Variants in NELL1 observed in about 807,000 individuals in gnomAD.
NELL1 encodes protein kinase C-binding protein NELL1.
NELL1 carries 76 observed loss-of-function variants against 107.4 expected under a neutral mutation model. The ratio of observed to expected loss-of-function variants is 0.71; its 90% CI spans 0.59 to 0.86. NELL1 has a LOEUF of 0.86. Ranked by LOEUF, NELL1 falls within the 40% of genes least tolerant of loss-of-function variation. The pLI is 0.00. For synonymous variants in NELL1, 353 were observed against 341.2 expected (o/e 1.03, Z -0.38); for missense variants, 1,024 against 1,005.5 (o/e 1.02, Z -0.25).
At chr11:21,163,815 G>A (rs900831226) in intron 13 of NELL1, among the ~76,000 whole-genome samples, 2 of 151,618 alleles carry the variant, frequency 1.3e-5, no homozygotes, top group African/African-American at 4.9e-5. Flanking sequence ...TCAGCTTCTC[G>A]ACCTCATCTA....
chr11:21,404,422 C>T (rs757306876), intron 15 of NELL1, among the ~76,000 whole-genome samples: 2 of 151,816 alleles, frequency 1.3e-5, no homozygotes, highest in Non-Finnish European at 2.9e-5. Flanking sequence ...CATAAGAAAG[C>T]AATTAAAGTA....
At chr11:21,233,404 GTCC>G (rs1173482324) in intron 14 of NELL1, among the ~76,000 whole-genome samples, 1 of 151,544 alleles carries the variant, frequency 6.6e-6, no homozygotes, top group Non-Finnish European at 1.5e-5. Context: ...CCTTTTCTTT[GTCC>G]TCCTCCTTTT....
chr11:21,174,222 T>C (rs1008783342), intron 13 of NELL1, among the ~76,000 whole-genome samples: 1 of 151,846 alleles, frequency 6.6e-6, no homozygotes, highest in African/African-American at 2.4e-5. Flanking sequence ...AGATAACTAA[T>C]ATACAAGTAA....
chr11:20,786,864 C>T (rs1375342968), intron 3 of NELL1, among the ~76,000 whole-genome samples: 5 of 151,396 alleles, frequency 3.3e-5, no homozygotes, highest in Admixed American at 1.3e-4. Context: ...AAAAATTAGC[C>T]GGGCATGGTG....
chr11:21,080,206 T>C (rs1007428787), intron 12 of NELL1, among the ~76,000 whole-genome samples: 18 of 152,208 alleles, frequency 1.2e-4, no homozygotes, highest in Admixed American at 2.6e-4. Flanking sequence ...AATGGCTTTA[T>C]TTTTAAAAAG....
chr11:21,273,250 A>G (rs1212884391), intron 14 of NELL1, among the ~76,000 whole-genome samples: 1 of 152,240 alleles, frequency 6.6e-6, no homozygotes, highest in Non-Finnish European at 1.5e-5. Context: ...GAACTACGTG[A>G]TGAATGCACA....
At chr11:21,492,743 T>G (rs1157051824) in intron 15 of NELL1, among the ~76,000 whole-genome samples, 2 of 87,752 alleles carry the variant, frequency 2.3e-5, no homozygotes, top group African/African-American at 4.6e-5. Context: ...TGGGGACTGT[T>G]GTGGGGTGGG....
chr11:21,365,053 T>C (rs1851187099), intron 14 of NELL1, among the ~76,000 whole-genome samples: 1 of 152,226 alleles, frequency 6.6e-6, no homozygotes. Context: ...TCTCAAATGC[T>C]AGCTGTTTTG....
chr11:21,225,921 T>A (rs542393287), intron 13 of NELL1, among the ~76,000 whole-genome samples: 2 of 152,306 alleles, frequency 1.3e-5, no homozygotes, highest in Admixed American at 1.3e-4. Flanking sequence ...ATGAGGAATC[T>A]AAGACAGAGA....
intron 15 of NELL1, among the ~76,000 whole-genome samples, chr11:21,383,255 C>T (rs954884953): frequency 2.3e-5 from 3 of 132,452 alleles, no homozygotes; most frequent in Non-Finnish European, 3.2e-5. Flanking sequence ...GTGTCTGAAA[C>T]GATAAGCAGT....
Position 21,094,697 on chromosome 11 carries a change from G to A in NELL1, c.1301-18892G>A, listed in dbSNP as rs1240838439. ...GGAGCTTTCACCCTCTGAAACCATG[G>A]CCTGAACTCTATGTTGGCTTCTTTC... On this transcript the variant is annotated intron_variant, in intron 12 of 19. Transcript: ENST00000357134. Among the ~76,000 whole-genome samples the A allele has an allele frequency of 2.6e-5, 4 of 152,154 alleles. No homozygotes were observed. The East Asian group carries it at 7.7e-4, about 29-fold the overall frequency.
At chr11:20,695,745 C>T (rs1854597738) in intron 2 of NELL1, among the ~76,000 whole-genome samples, 1 of 151,902 alleles carries the variant, frequency 6.6e-6, no homozygotes, top group Non-Finnish European at 1.5e-5. Context: ...TTTAGTTTTT[C>T]ATTGTGTCTT....
chr11:20,787,905 C>G (rs1379026604), intron 3 of NELL1, among the ~76,000 whole-genome samples: 2 of 152,202 alleles, frequency 1.3e-5, no homozygotes, highest in Non-Finnish European at 2.9e-5. Context: ...AATCTACTTT[C>G]TGTCTCTGTA....
chr11:21,360,320 C>A (rs530342938), intron 14 of NELL1, among the ~76,000 whole-genome samples: 21 of 152,080 alleles, frequency 1.4e-4, no homozygotes, highest in Non-Finnish European at 2.6e-4. Flanking sequence ...TTGGAGTTGA[C>A]TTCCAGTTTT....
At chr11:21,224,323 A>G (rs11819874) in intron 13 of NELL1, among the ~76,000 whole-genome samples, 13,167 of 151,880 alleles carry the variant, frequency 0.087, 604 homozygotes, top group Middle Eastern at 0.13. Context: ...GTTCCCTGCA[A>G]CCTTGACCTC....
intron 15 of NELL1, among the ~76,000 whole-genome samples, chr11:21,504,754 G>T (rs1855238142): frequency 6.6e-6 from 1 of 151,980 alleles, no homozygotes. Flanking sequence ...CCATTCACTA[G>T]CTCGAAGCAG....
chr11:21,449,219 G>A (rs547655201), intron 15 of NELL1, among the ~76,000 whole-genome samples: 1 of 152,206 alleles, frequency 6.6e-6, no homozygotes, highest in South Asian at 2.1e-4. Flanking sequence ...TCAACCTGGG[G>A]TACAGTCAGT....
At chr11:21,012,467 C>T (rs1241161727) in intron 12 of NELL1, among the ~76,000 whole-genome samples, 1 of 152,046 alleles carries the variant, frequency 6.6e-6, no homozygotes, top group East Asian at 1.9e-4. Context: ...TTAGGACAAG[C>T]TATGATCCTT....
At chr11:20,724,597 C>T (rs909689041) in intron 2 of NELL1, among the ~76,000 whole-genome samples, 3 of 152,174 alleles carry the variant, frequency 2.0e-5, no homozygotes, top group Admixed American at 1.3e-4. Flanking sequence ...CATCTCCATC[C>T]GAGACCACCT....
Sources: gnomAD v4.1 joint callset for allele counts (sites outside exome capture counted in the v4.1 genomes callset) on GRCh38, gnomAD v4.1.1 for gene constraint, MANE v1.5 for transcripts, NCBI Gene and HGNC (gene_info 2026-07-23, HGNC 2026-07-21) for gene names.